Variants in LRP2 observed in about 807,000 individuals in gnomAD.
LRP2 encodes the protein low-density lipoprotein receptor-related protein 2.
A neutral mutation model predicts 531.0 loss-of-function variants in LRP2; 172 were observed. That is an observed-to-expected ratio of 0.32 (90% CI 0.29 to 0.37). The LOEUF (loss-of-function observed/expected upper bound fraction) is 0.37. Among genes scored for constraint, LRP2 ranks in the 10% least tolerant of loss-of-function variants. The pLI is 1.00. For synonymous variants in LRP2, 1,992 were observed against 2,027.6 expected (o/e 0.98, Z 0.47); for missense variants, 5,167 against 5,868.3 (o/e 0.88, Z 3.90).
intron 3 of LRP2, 126 bp from the exon 4 acceptor site, chr2:169,307,523 C>A (rs757956415): frequency 1.4e-6 from 1 of 694,340 alleles, no homozygotes; most frequent in Non-Finnish European, 2.6e-6. Context: ...ACCTGGCTAC[C>A]ACCAAGCTGA....
chr2:169,203,693 G>C (rs375858962), intron 42 of LRP2, among the ~76,000 whole-genome samples: 24 of 152,310 alleles, frequency 1.6e-4, no homozygotes, highest in East Asian at 1.3e-3. Flanking sequence ...GGAGGTGGAG[G>C]TTGCAGTGAG....
intron 24 of LRP2, among the ~76,000 whole-genome samples, chr2:169,242,550 C>G (rs139033437): frequency 3.9e-5 from 6 of 152,066 alleles, no homozygotes; most frequent in Non-Finnish European, 7.4e-5. Context: ...AGAGTCAATA[C>G]TAAACACAGC....
intron 41 of LRP2, 148 bp downstream of exon 41, chr2:169,205,331 T>C (rs1258403982): frequency 1.2e-6 from 1 of 843,392 alleles, no homozygotes; most frequent in Admixed American, 2.2e-5. Flanking sequence ...AGTTCCAATA[T>C]AAACATAGTT....
Position 169,255,971 on chromosome 2 carries a change from A to G in LRP2, c.2770+135T>C, listed in dbSNP as rs1276164109. 10 of 801,796 alleles carry G rather than the reference A, an allele frequency of 1.2e-5. No individual in the cohort carries two copies. In the East Asian group the frequency reaches 1.7e-4, roughly 14 times the overall value. 49.7% of individuals were successfully genotyped at this position (801,796 alleles called of 1,614,324 possible). On this transcript the variant is annotated intron_variant, in intron 19 of 78. Transcript: ENST00000649046. ...AACCAAATGTTTTGTCTAAATATAT[A>G]GCACCATTTTAAATTTTTTCATTTT... is the stretch of plus-strand genomic sequence containing the variant.
intron 76 of LRP2, among the ~76,000 whole-genome samples, chr2:169,133,725 G>A (rs1685375365): frequency 6.6e-6 from 1 of 152,140 alleles, no homozygotes; most frequent in South Asian, 2.1e-4. Flanking sequence ...CTTATGTAAA[G>A]TTATTCCCTT....
At chr2:169,256,812 A>G (rs1307175636) in intron 18 of LRP2, among the ~76,000 whole-genome samples, 1 of 152,110 alleles carries the variant, frequency 6.6e-6, no homozygotes, top group Non-Finnish European at 1.5e-5. Flanking sequence ...TCTGTACCCT[A>G]CTTTAAATGC....
chr2:169,147,061 C>G (rs1375477663), intron 68 of LRP2, 102 bp from the exon 69 acceptor site: 10 of 930,382 alleles, frequency 1.1e-5, no homozygotes, highest in Middle Eastern at 2.1e-4. Flanking sequence ...CTGTTTATCT[C>G]AGGGACCTGG....
chr2:169,271,209 A>T, intron 15 of LRP2, 102 bp from the exon 16 acceptor site: 4 of 718,624 alleles, frequency 5.6e-6, no homozygotes, highest in Non-Finnish European at 9.4e-6. Context: ...TAAATTATAA[A>T]ATATAATTCT....
intron 16 of LRP2, among the ~76,000 whole-genome samples, chr2:169,268,306 A>C (rs1234243493): frequency 1.3e-5 from 2 of 152,212 alleles, no homozygotes; most frequent in Non-Finnish European, 2.9e-5. Context: ...CACAACAAAA[A>C]AAGAGAATTT....
rs772447947 is a variant in LRP2 at position 169,201,628 on chromosome 2, G to A, written c.8452C>T (p.Pro2818Ser). 3.2e-5 allele frequency: 51 copies of A among 1,613,824 alleles called. No homozygotes were observed. Among genetic ancestry groups the A allele is most frequent in the South Asian group, 1.2e-4 (11 of 91,014 alleles). ...DNNTSDEKNC[P>S]DRTCQSGYTK... is the part of the protein sequence containing the mutation. Reference sequence around the variant, plus strand: ...CAATAAGCACTTAAGATAAACTTACGGCAATTTTTCTCATCTGAAGTGTTA... The same window carrying A: ...CAATAAGCACTTAAGATAAACTTACAGCAATTTTTCTCATCTGAAGTGTTA... Residue 2818 changes from proline to serine, a missense_variant and splice_region_variant, in exon 44 of 79, where the codon CCT becomes TCT. Pro to Ser is a moderately conservative substitution (Grantham distance 74, BLOSUM62 -1). Around this residue, in one of 6 missense-constraint regions of LRP2, gnomAD observed 1,129 missense variants for 1,362.7 expected, o/e 0.83. Coordinates refer to ENST00000649046, the MANE Select transcript of LRP2 (RefSeq NM_004525.3).
intron 68 of LRP2, among the ~76,000 whole-genome samples, chr2:169,147,712 C>T (rs1367956477): frequency 4.6e-5 from 7 of 152,040 alleles, no homozygotes; most frequent in African/African-American, 1.7e-4. Flanking sequence ...ATTACCTAGA[C>T]CAGGGATTGC....
At chr2:169,280,655 G>A (rs1683680000) in intron 10 of LRP2, 136 bp from the exon 11 acceptor site, 9 of 878,342 alleles carry the variant, frequency 1.0e-5, no homozygotes, top group Non-Finnish European at 1.6e-5. Context: ...ATAAACCTCT[G>A]AGGCAGACAG....
At chr2:169,162,941 A>C (rs1686644517) in intron 62 of LRP2, among the ~76,000 whole-genome samples, 1 of 152,258 alleles carries the variant, frequency 6.6e-6, no homozygotes, top group African/African-American at 2.4e-5. Flanking sequence ...ATGAGTGCTC[A>C]ATAAGGCTTC....
chr2:169,263,415 C>T (rs1690654565), intron 16 of LRP2, among the ~76,000 whole-genome samples: 1 of 151,076 alleles, frequency 6.6e-6, no homozygotes, highest in South Asian at 2.1e-4. Context: ...AACAAACAAC[C>T]CCATCAAAAA....
intron 19 of LRP2, 77 bp from the exon 20 acceptor site, chr2:169,247,592 G>T (rs1443835445): frequency 6.1e-6 from 9 of 1,473,562 alleles, no homozygotes; most frequent in African/African-American, 1.4e-5. Flanking sequence ...AAATGCAATA[G>T]GCTTGAAATG....
chr2:169,255,537 T>C (rs1185784365), intron 19 of LRP2, among the ~76,000 whole-genome samples: 1 of 152,122 alleles, frequency 6.6e-6, no homozygotes, highest in Non-Finnish European at 1.5e-5. Context: ...AAAAAAATTA[T>C]GTCTTGCTGT....
chr2:169,333,391 T>C (rs1163004249), intron 1 of LRP2, among the ~76,000 whole-genome samples: 1 of 151,652 alleles, frequency 6.6e-6, no homozygotes, highest in African/African-American at 2.4e-5. Context: ...AAACGAACTA[T>C]ATATGATGTG....
chr2:169,210,404 A>T (rs764837476), intron 37 of LRP2, among the ~76,000 whole-genome samples: 1 of 152,254 alleles, frequency 6.6e-6, no homozygotes, highest in Non-Finnish European at 1.5e-5. Context: ...GCAAGCTGAC[A>T]TTATGTTCTT....
chr2:169,356,790 G>C (rs1559090302), intron 1 of LRP2, among the ~76,000 whole-genome samples: 1 of 152,192 alleles, frequency 6.6e-6, no homozygotes, highest in East Asian at 1.9e-4. Context: ...CCAGAACTCG[G>C]ATGCTGAAAC....
Sources: allele counts gnomAD v4.1 joint callset (sites outside exome capture counted in the v4.1 genomes callset), GRCh38; gene constraint gnomAD v4.1.1; regional missense constraint gnomAD v4.1.1; transcripts MANE v1.5; gene names NCBI Gene and HGNC (gene_info 2026-07-23, HGNC 2026-07-21).